ANKRD28: variants seen among roughly 807,000 people sequenced by gnomAD.
ANKRD28 encodes the protein ankyrin repeat domain 28.
ANKRD28 carries 44 observed loss-of-function variants against 126.5 expected under a neutral mutation model. The ratio of observed to expected loss-of-function variants is 0.35; its 90% CI spans 0.27 to 0.45. The LOEUF (loss-of-function observed/expected upper bound fraction) is 0.45, where lower values mean the gene tolerates loss of function less well. Among genes scored for constraint, ANKRD28 ranks in the 20% least tolerant of loss-of-function variants. The pLI is 1.00. For synonymous variants in ANKRD28, 442 were observed against 468.5 expected, an observed-to-expected ratio of 0.94 and a Z score of 0.73; for missense variants, 1,110 against 1,316.6, an observed-to-expected ratio of 0.84 and a Z score of 2.43.
At chr3:15,800,245 G>C (rs746644765), upstream of ANKRD28, among the ~76,000 whole-genome samples, 80 of 152,078 alleles carry the variant, frequency 5.3e-4, no homozygotes, top group Non-Finnish European at 9.1e-4. Context: ...GAGAAATAGA[G>C]TAACAGTACA....
chr3:15,707,810 G>T (rs2071659562), intron 14 of ANKRD28, 114 bp downstream of exon 14: 2 of 1,296,858 alleles, frequency 1.5e-6, no homozygotes, highest in Middle Eastern at 2.6e-4. Context: ...TTAGGGCAAA[G>T]ATAATCAACA....
Position 15,670,147 on chromosome 3 carries a change from A to T in ANKRD28, c.*123T>A. 9.0e-7 allele frequency: 1 copy of T among 1,110,886 alleles called. No homozygotes were observed. The highest frequency in any genetic ancestry group is 1.3e-6 in the Non-Finnish European group (1 of 788,450). 68.8% of individuals were successfully genotyped at this position (1,110,886 alleles called of 1,614,324 possible). On this transcript the variant is annotated 3_prime_UTR_variant, in exon 28 of 28. Transcript: ENST00000683139. ...TCCTCCTAATGCCATCAGATCTCTT[A>T]ACATTGGCTCACTGTGGGATCTTTC...
intron 1 of ANKRD28, among the ~76,000 whole-genome samples, chr3:15,821,950 T>C (rs1416897729): frequency 6.6e-6 from 1 of 152,082 alleles, no homozygotes; most frequent in African/African-American, 2.4e-5. Flanking sequence ...CAAAAGCATA[T>C]CTCTCTCATC....
At chr3:15,770,178 T>C (rs1238727597) in intron 2 of ANKRD28, among the ~76,000 whole-genome samples, 3 of 152,116 alleles carry the variant, frequency 2.0e-5, no homozygotes, top group African/African-American at 7.2e-5. Flanking sequence ...ATTTTAGAAC[T>C]ACCTCTGACA....
At chr3:15,767,714 A>AGCCGC (rs1436795376) in intron 2 of ANKRD28, among the ~76,000 whole-genome samples, 5 of 57,746 alleles carry the variant, frequency 8.7e-5, no homozygotes, top group African/African-American at 1.2e-4. Flanking sequence ...AAAAAAAAAA[A>AGCCGC]AAAAAAAAAA....
Position 15,777,139 on chromosome 3 carries a change from C to T in ANKRD28, c.202-10827G>A, listed in dbSNP as rs2059310926. On this transcript the variant is annotated intron_variant, in intron 2 of 27. Coordinates refer to ENST00000683139, the MANE Select transcript of ANKRD28 (RefSeq NM_001349278.2). ...AATACAAAAAATTAGCTGGGCTTAG[C>T]AGTGGGCATCTGTAGCCCCAGCTAC... Among the ~76,000 whole-genome samples, 11 of 151,802 alleles carry T rather than the reference C, an allele frequency of 7.2e-5. 1 individual carries two copies. In the South Asian group the frequency reaches 2.1e-3, roughly 29 times the overall value.
At chr3:15,795,197 T>C (rs910851891) in intron 2 of ANKRD28, 26 bp downstream of exon 2, 1 of 1,467,062 alleles carries the variant, frequency 6.8e-7, no homozygotes, top group East Asian at 2.3e-5. Flanking sequence ...TTTTAAAGGC[T>C]GGCATCAGTG....
intron 14 of ANKRD28, among the ~76,000 whole-genome samples, chr3:15,707,020 T>C (rs559745044): frequency 3.9e-5 from 6 of 152,352 alleles, no homozygotes; most frequent in Admixed American, 3.3e-4. Context: ...AAAGAGTTTA[T>C]ACTAAATTAA....
rs557417891 is a variant in ANKRD28, at chr3:15,845,838, G to C, written c.27+13539C>G. 1.3e-5 allele frequency among the ~76,000 whole-genome samples: 2 copies of C among 152,276 alleles called. No homozygotes were observed. Among genetic ancestry groups the C allele is most frequent in the East Asian group, 3.9e-4 (2 of 5,178 alleles). ...ACGTCTTAATATGGTGGAGCAGGAG[G>C]TAGGGGTATGTGCCACACACTTTAA... On this transcript the variant is annotated intron_variant, in intron 1 of 27. Coordinates refer to the ANKRD28 transcript ENST00000399451. This position sits in a 1 kb window ranked among gnomAD's most constrained non-coding sequence, Gnocchi z 4.9.
At chr3:15,698,089 G>A (rs1012005412) in intron 14 of ANKRD28, among the ~76,000 whole-genome samples, 8 of 151,826 alleles carry the variant, frequency 5.3e-5, no homozygotes, top group African/African-American at 1.7e-4. Context: ...TTCCCTTTAT[G>A]TGTCTATTTG....
At chr3:15,731,445 C>T (rs1020221611) in intron 6 of ANKRD28, among the ~76,000 whole-genome samples, 2 of 152,106 alleles carry the variant, frequency 1.3e-5, no homozygotes, top group African/African-American at 4.8e-5. Context: ...GTAAGCCACA[C>T]CAGAATATTC....
chr3:15,813,218 T>C (rs182545931), intron 1 of ANKRD28, among the ~76,000 whole-genome samples: 2 of 151,894 alleles, frequency 1.3e-5, no homozygotes, highest in East Asian at 3.9e-4. Context: ...ATACAAAAAT[T>C]AACCGGGCAT....
At chr3:15,773,769 C>G in intron 2 of ANKRD28, among the ~76,000 whole-genome samples, 1 of 152,150 alleles carries the variant, frequency 6.6e-6, no homozygotes, top group Admixed American at 6.5e-5. Flanking sequence ...TCAATTTGAT[C>G]TATAGATTCA....
At chr3:15,828,488 T>A (rs1316896196) in intron 1 of ANKRD28, among the ~76,000 whole-genome samples, 1 of 152,070 alleles carries the variant, frequency 6.6e-6, no homozygotes, top group Admixed American at 6.6e-5. Context: ...TGTTTTCTGT[T>A]TCTCTAAACC....
intron 2 of ANKRD28, among the ~76,000 whole-genome samples, chr3:15,792,388 TAA>T (rs1165741963): frequency 6.6e-6 from 1 of 152,010 alleles, no homozygotes; most frequent in Non-Finnish European, 1.5e-5. Flanking sequence ...TCGTCAGCCA[TAA>T]AAAAACAGAC....
chr3:15,792,126 G>A (rs1297688040), intron 2 of ANKRD28, among the ~76,000 whole-genome samples: 1 of 152,176 alleles, frequency 6.6e-6, no homozygotes, highest in African/African-American at 2.4e-5. Flanking sequence ...TTCACCATTG[G>A]TGGGAATGTA....
intron 1 of ANKRD28, among the ~76,000 whole-genome samples, chr3:15,811,213 A>G (rs933351773): frequency 5.3e-5 from 8 of 152,204 alleles, no homozygotes; most frequent in Non-Finnish European, 8.8e-5. Flanking sequence ...CTTTAAAAGA[A>G]TAAGAGAATG....
At chr3:15,767,149 A>C (rs1049954555) in intron 2 of ANKRD28, among the ~76,000 whole-genome samples, 1 of 152,210 alleles carries the variant, frequency 6.6e-6, no homozygotes, top group Non-Finnish European at 1.5e-5. Context: ...CCAGGAAAAG[A>C]AGCTACCTCT....
chr3:15,855,009 G>A (rs1231069747), intron 1 of ANKRD28, among the ~76,000 whole-genome samples: 5 of 152,024 alleles, frequency 3.3e-5, no homozygotes, highest in South Asian at 2.1e-4. Context: ...AGATCGTGCC[G>A]CTGCACTCCA....
Sources: gnomAD v4.1 joint callset for allele counts (sites outside exome capture counted in the v4.1 genomes callset) on GRCh38, gnomAD v4.1.1 for gene constraint, Gnocchi (gnomAD v3.1) non-coding constraint, MANE v1.5 for transcripts, NCBI Gene and HGNC (gene_info 2026-07-23, HGNC 2026-07-21) for gene names.